Variants in ZFHX3 observed in about 807,000 individuals in gnomAD.
ZFHX3 encodes the protein zinc finger homeobox protein 3.
ZFHX3 carries 42 observed loss-of-function variants against 279.1 expected under a neutral mutation model. The ratio of observed to expected loss-of-function variants is 0.15; its 90% confidence interval spans 0.12 to 0.19. The LOEUF is 0.19. Ranked by LOEUF, ZFHX3 falls within the 10% of genes least tolerant of loss-of-function variation. The pLI is 1.00. For missense variants in ZFHX3, 4,981 were observed against 4,754.0 expected, an observed-to-expected ratio of 1.05 and a Z score of -1.40; for synonymous variants, 2,293 against 1,957.8, an observed-to-expected ratio of 1.17 and a Z score of -4.52.
intron 2 of ZFHX3, among the ~76,000 whole-genome samples, chr16:73,489,800 GT>G (rs946778108): frequency 4.6e-5 from 7 of 151,064 alleles, no homozygotes; most frequent in East Asian, 1.9e-4. Flanking sequence ...TCTCTGATAG[GT>G]TTTTTTTTCT....
chr16:73,327,009 C>A (rs553439375), intron 3 of ZFHX3, among the ~76,000 whole-genome samples: 2 of 152,326 alleles, frequency 1.3e-5, no homozygotes, highest in South Asian at 2.1e-4. Flanking sequence ...AACTCTCAGT[C>A]CTGAGGAAAC....
At chr16:73,442,766 C>G (rs899765595) in intron 3 of ZFHX3, among the ~76,000 whole-genome samples, 1 of 152,070 alleles carries the variant, frequency 6.6e-6, no homozygotes, top group African/African-American at 2.4e-5. Flanking sequence ...GCACCATGAG[C>G]GCAGGATCCA....
chr16:73,758,743 C>T (rs527924324), intron 1 of ZFHX3, among the ~76,000 whole-genome samples: 55 of 152,290 alleles, frequency 3.6e-4, no homozygotes, highest in Admixed American at 5.2e-4. Flanking sequence ...TCTTATTCTC[C>T]TTTGCTTGTC....
At chr16:72,986,068 A>G (rs866658162) in intron 1 of ZFHX3, among the ~76,000 whole-genome samples, 1 of 151,556 alleles carries the variant, frequency 6.6e-6, no homozygotes, top group African/African-American at 2.4e-5. Flanking sequence ...ACTCCCCACA[A>G]TCTCCCACTC....
At chr16:73,646,055 A>T (rs926788415) in intron 2 of ZFHX3, among the ~76,000 whole-genome samples, 2 of 152,232 alleles carry the variant, frequency 1.3e-5, no homozygotes, top group Non-Finnish European at 2.9e-5. Flanking sequence ...AATGTGTTTC[A>T]AAAGACTAAA....
At chr16:73,533,204 T>A (rs1369442841) in intron 2 of ZFHX3, among the ~76,000 whole-genome samples, 3 of 151,866 alleles carry the variant, frequency 2.0e-5, no homozygotes, top group African/African-American at 4.8e-5. Context: ...CTCTTCCCCA[T>A]CCTCACTTTT....
At chr16:73,260,051 A>C (rs1404709059) in intron 4 of ZFHX3, among the ~76,000 whole-genome samples, 4 of 152,132 alleles carry the variant, frequency 2.6e-5, no homozygotes, top group Non-Finnish European at 1.5e-5. Flanking sequence ...AAGTCTCTTC[A>C]ATTTCATTTA....
intron 1 of ZFHX3, among the ~76,000 whole-genome samples, chr16:73,044,383 TAAC>T (rs1478194527): frequency 1.3e-5 from 2 of 152,198 alleles, no homozygotes; most frequent in Admixed American, 6.6e-5. Context: ...TAGGCCAGGC[TAAC>T]AGCAAGCAAT....
At position 73,396,779 on chromosome 16, in the gene ZFHX3, T is replaced by A. The variant is rs550180850; in HGVS notation, c.-1291+59224A>T. 3.9e-5 allele frequency among the ~76,000 whole-genome samples: 6 copies of A among 152,258 alleles called. No individual in the cohort carries two copies. The South Asian group carries it at 1.2e-3, about 32-fold the overall frequency. On this transcript the variant is annotated intron_variant, in intron 3 of 17. Transcript: ENST00000641206. ...CTCCCTCGACATGTAGGGGTTACAA[T>A]TAAAGATGAGAGTTGGGTGGGGACA... is the stretch of plus-strand genomic sequence containing the variant.
chr16:72,926,762 C>G (rs1959467936), intron 3 of ZFHX3, among the ~76,000 whole-genome samples: 1 of 152,178 alleles, frequency 6.6e-6, no homozygotes, highest in Non-Finnish European at 1.5e-5. Flanking sequence ...ATGCTCCTGC[C>G]TCTCCTACAC....
chr16:73,569,283 T>C (rs2051708951), intron 2 of ZFHX3, among the ~76,000 whole-genome samples: 1 of 151,794 alleles, frequency 6.6e-6, no homozygotes, highest in African/African-American at 2.4e-5. Flanking sequence ...GATCCTAGAG[T>C]AGTGAATAAC....
chr16:72,804,966 TTTTATTTA>T (rs10659744), intron 7 of ZFHX3, among the ~76,000 whole-genome samples: 1 of 151,348 alleles, frequency 6.6e-6, no homozygotes, highest in Non-Finnish European at 1.5e-5. Context: ...AGCAGAGAGA[TTTTATTTA>T]TTTATTTATT....
chr16:73,336,815 A>G (rs1231620702), intron 3 of ZFHX3, among the ~76,000 whole-genome samples: 1 of 151,968 alleles, frequency 6.6e-6, no homozygotes, highest in Non-Finnish European at 1.5e-5. Flanking sequence ...CATCCCCTGT[A>G]CTCTCAAGGG....
At chr16:73,749,034 C>T (rs935150870) in intron 1 of ZFHX3, among the ~76,000 whole-genome samples, 7 of 152,180 alleles carry the variant, frequency 4.6e-5, no homozygotes, top group East Asian at 3.9e-4. Context: ...GAGATCCGCC[C>T]ACCTCAACCT....
intron 2 of ZFHX3, among the ~76,000 whole-genome samples, chr16:72,954,984 A>G (rs568446463): frequency 9.2e-5 from 14 of 152,272 alleles, no homozygotes; most frequent in East Asian, 3.9e-4. Flanking sequence ...GACCATGGGG[A>G]AAAAAAACCA....
chr16:73,386,708 C>A (rs1172635052), intron 3 of ZFHX3: 2 of 148,408 alleles, frequency 1.3e-5, no homozygotes, highest in Non-Finnish European at 3.0e-5. Context: ...AGTCCTTAGG[C>A]AATGACCCTG....
At chr16:73,369,719 G>C (rs1290847014) in intron 3 of ZFHX3, among the ~76,000 whole-genome samples, 4 of 152,192 alleles carry the variant, frequency 2.6e-5, no homozygotes, top group Non-Finnish European at 5.9e-5. Context: ...TGGATCAGGA[G>C]GGCAGGGCTG....
Position 72,958,956 on chromosome 16 carries a change from G to A in ZFHX3, c.1190C>T (p.Pro397Leu), listed in dbSNP as rs749353116. ...PEQPQAGLLT[P>L]STLLNLGGLT... Reference sequence around the variant, plus strand: ...CCCGCCAAGGTTCAACAGGGTGCTGGGGGTCAAGAGACCAGCCTGGGGCTG... The same window carrying A: ...CCCGCCAAGGTTCAACAGGGTGCTGAGGGTCAAGAGACCAGCCTGGGGCTG... The change falls in exon 2 of 10, where the codon CCC becomes CTC. Residue 397 changes from proline to leucine, a missense_variant. Pro to Leu is a moderately conservative substitution (Grantham distance 98, BLOSUM62 -3). Transcript: ENST00000268489. The A allele has an allele frequency of 1.9e-6, 3 of 1,598,304 alleles. No individual in the cohort carries two copies. Among genetic ancestry groups the A allele is most frequent in the South Asian group, 2.3e-5 (2 of 88,320 alleles).
Position 73,331,255 on chromosome 16 carries a change from T to A in ZFHX3, c.-1290-12919A>T, listed in dbSNP as rs114506499. 7.9e-3 allele frequency among the ~76,000 whole-genome samples: 1,206 copies of A among 152,214 alleles called. 18 individuals are homozygous for A. The highest frequency in any genetic ancestry group is 0.028 in the African/African-American group (1,144 of 41,540). On this transcript the variant is annotated intron_variant, in intron 3 of 17. Coordinates refer to the ZFHX3 transcript ENST00000641206. ...GAACAGCATGGAGGAACCGCCCCCATAATCTAATCACCTCCCATGACGTCC... is the reference window on the plus strand; with the variant it reads ...GAACAGCATGGAGGAACCGCCCCCAAAATCTAATCACCTCCCATGACGTCC...
Sources: gnomAD v4.1 joint callset for allele counts (sites outside exome capture counted in the v4.1 genomes callset) on GRCh38, gnomAD v4.1.1 for gene constraint, MANE v1.5 for transcripts, NCBI Gene and HGNC (gene_info 2026-07-23, HGNC 2026-07-21) for gene names.